The following NOS1AP variants were observed in gnomAD, a reference collection of about 807,000 sequenced individuals.
NOS1AP encodes the protein nitric oxide synthase 1 adaptor protein, also known as carboxyl-terminal PDZ ligand of neuronal nitric oxide synthase protein.
Under a neutral mutation model 56.2 loss-of-function variants are expected in NOS1AP, and 21 were observed. That is an observed-to-expected ratio of 0.37 (90% CI 0.26 to 0.54). The LOEUF (loss-of-function observed/expected upper bound fraction) is 0.54, where lower values mean the gene tolerates loss of function less well. Ranked by LOEUF, NOS1AP falls within the 20% of genes least tolerant of loss-of-function variation. The probability of loss-of-function intolerance (pLI) is 0.84; values close to 1 mark genes in which losing one functional copy is unlikely to be tolerated. For synonymous variants in NOS1AP, 270 were observed against 274.6 expected, an observed-to-expected ratio of 0.98 and a Z score of 0.17; for missense variants, 522 against 657.8, an observed-to-expected ratio of 0.79 and a Z score of 2.26.
At chr1:162,283,027 C>T (rs945947635) in intron 2 of NOS1AP, among the ~76,000 whole-genome samples, 2 of 152,018 alleles carry the variant, frequency 1.3e-5, no homozygotes, top group African/African-American at 4.8e-5. Context: ...TTATTTCTGG[C>T]CAAGGTGACT....
Position 162,355,373 on chromosome 1 carries a change from TC to T in NOS1AP, c.762+21del. On this transcript the variant is annotated intron_variant, in intron 7 of 9. Transcript: ENST00000361897. ...TCCAAGGTAGGCAAGAGATGGCCCATCTGTGTGATCTGCACACGTGTGCCCT... is the reference window on the plus strand; with the variant it reads ...TCCAAGGTAGGCAAGAGATGGCCCATTGTGTGATCTGCACACGTGTGCCCT... 6.2e-7 allele frequency: 1 copy of T among 1,613,868 alleles called. No individual in the cohort carries two copies. The highest frequency in any genetic ancestry group is 8.5e-7 in the Non-Finnish European group (1 of 1,179,928).
At chr1:162,284,890 A>T (rs1296057355) in intron 2 of NOS1AP, among the ~76,000 whole-genome samples, 1 of 152,172 alleles carries the variant, frequency 6.6e-6, no homozygotes, top group Non-Finnish European at 1.5e-5. Flanking sequence ...AGAAAGAGAG[A>T]TATGGTCAAC....
Position 162,260,180 on chromosome 1 carries a change from C to T in NOS1AP, c.178-27164C>T, listed in dbSNP as rs532104333. Among the ~76,000 whole-genome samples, 13 of 152,012 alleles carry T rather than the reference C, an allele frequency of 8.6e-5. No individual in the cohort carries two copies. In the East Asian group the frequency reaches 9.7e-4, roughly 11 times the overall value. ...TGTTGTCAGAAACTTGAAATATATA[C>T]GACTGAGAGGGAAGCAGATTTATGT... On this transcript the variant is annotated intron_variant, in intron 2 of 9. Coordinates refer to ENST00000361897, the MANE Select transcript of NOS1AP (RefSeq NM_014697.3).
At chr1:162,086,056 C>A (rs12062982) in intron 1 of NOS1AP, among the ~76,000 whole-genome samples, 18,597 of 152,108 alleles carry the variant, frequency 0.12, 2,576 homozygotes, top group African/African-American at 0.34. Context: ...ACATGCAGCC[C>A]TGTTCCACTG....
chr1:162,176,068 A>T (rs1362515256), intron 2 of NOS1AP, among the ~76,000 whole-genome samples: 1 of 152,122 alleles, frequency 6.6e-6, no homozygotes, highest in Non-Finnish European at 1.5e-5. Context: ...TTACTGTCTC[A>T]CTTCTTCAGT....
intron 2 of NOS1AP, among the ~76,000 whole-genome samples, chr1:162,176,425 T>C (rs1259734820): frequency 6.6e-6 from 1 of 151,944 alleles, no homozygotes; most frequent in African/African-American, 2.4e-5. Flanking sequence ...TCATAGAAAA[T>C]GTAGCCTTTT....
At position 162,367,090 on chromosome 1, in the gene NOS1AP, T is replaced by A. The variant is rs781230593; in HGVS notation, c.1144T>A (p.Ser382Thr). The A allele has an allele frequency of 1.2e-6, 2 of 1,613,954 alleles. No homozygotes were observed. The highest frequency in any genetic ancestry group is 4.5e-5 in the East Asian group (2 of 44,868). The change falls in exon 10 of 10, where the codon TCC becomes ACC. Residue 382 changes from serine to threonine, a missense_variant. Physicochemically the swap from Ser to Thr is moderately conservative, Grantham distance 58 (BLOSUM62 1). Transcript: ENST00000361897. This position sits in a 1 kb window ranked among gnomAD's most constrained non-coding sequence, Gnocchi z 6.5. ...QDSLLEITFR[S>T]GALPVLCDPT... ...CAGCTTGCTGGAGATCACCTTCCGC[T>A]CCGGAGCCCTGCCCGTGCTCTGTGA...
intron 2 of NOS1AP, among the ~76,000 whole-genome samples, chr1:162,279,490 T>C (rs1654849309): frequency 6.6e-6 from 1 of 152,214 alleles, no homozygotes; most frequent in East Asian, 1.9e-4. Flanking sequence ...TGAACCGCTC[T>C]TCCACCTTCT....
At chr1:162,352,229 T>G (rs1370878250) in intron 6 of NOS1AP, among the ~76,000 whole-genome samples, 3 of 152,086 alleles carry the variant, frequency 2.0e-5, no homozygotes, top group Non-Finnish European at 4.4e-5. Flanking sequence ...CCAGCTAATT[T>G]TTGTATTTTA....
intron 1 of NOS1AP, among the ~76,000 whole-genome samples, chr1:162,088,297 C>T (rs992648243): frequency 6.6e-6 from 1 of 152,172 alleles, no homozygotes; most frequent in Non-Finnish European, 1.5e-5. Context: ...AACCCTGCTG[C>T]ACCATAGGAT....
intron 2 of NOS1AP, among the ~76,000 whole-genome samples, chr1:162,271,709 G>C (rs1398474003): frequency 1.3e-5 from 2 of 152,130 alleles, no homozygotes; most frequent in Admixed American, 6.5e-5. Context: ...ATCTTAGTCA[G>C]CTTGGGCTTC....
chr1:162,291,224 A>G (rs1388608049), intron 3 of NOS1AP, among the ~76,000 whole-genome samples: 1 of 152,178 alleles, frequency 6.6e-6, no homozygotes, highest in East Asian at 1.9e-4. Context: ...CTGTGTTTAC[A>G]GTAAGTCTCT....
chr1:162,121,458 C>A (rs535887165), intron 1 of NOS1AP, among the ~76,000 whole-genome samples: 5 of 152,176 alleles, frequency 3.3e-5, no homozygotes, highest in African/African-American at 1.2e-4. Context: ...ATTGTGCAAA[C>A]CAGGAAACTG....
At chr1:162,251,710 G>A (rs1653857878) in intron 2 of NOS1AP, among the ~76,000 whole-genome samples, 1 of 151,058 alleles carries the variant, frequency 6.6e-6, no homozygotes, top group Non-Finnish European at 1.5e-5. Context: ...TTGAGATAGG[G>A]TCTCACTCAC....
chr1:162,107,437 G>T (rs1044652993), intron 1 of NOS1AP, among the ~76,000 whole-genome samples: 1 of 152,166 alleles, frequency 6.6e-6, no homozygotes. Context: ...AGGCTCAAGT[G>T]ATCCTCTCAC....
chr1:162,264,004 C>A (rs929888177), intron 2 of NOS1AP, among the ~76,000 whole-genome samples: 1 of 152,230 alleles, frequency 6.6e-6, no homozygotes, highest in Non-Finnish European at 1.5e-5. Context: ...CTCTCCGTCT[C>A]CAGCCAACTG....
intron 2 of NOS1AP, among the ~76,000 whole-genome samples, chr1:162,258,455 T>C (rs1408035484): frequency 1.3e-5 from 2 of 152,134 alleles, no homozygotes; most frequent in African/African-American, 4.8e-5. Flanking sequence ...TCTGGAATCT[T>C]TTCCTCCCAT....
chr1:162,108,958 T>G (rs866441958), intron 1 of NOS1AP, among the ~76,000 whole-genome samples: 22 of 152,212 alleles, frequency 1.4e-4, no homozygotes, highest in African/African-American at 4.8e-4. Flanking sequence ...TTTAATGGAT[T>G]CACAGTTCCA....
intron 1 of NOS1AP, among the ~76,000 whole-genome samples, chr1:162,074,460 A>G (rs1218487521): frequency 2.0e-5 from 3 of 152,162 alleles, no homozygotes; most frequent in Non-Finnish European, 4.4e-5. Context: ...ACCATGGCTC[A>G]TCTAGTACAA....
Sources: gnomAD v4.1 joint callset for allele counts (sites outside exome capture counted in the v4.1 genomes callset) on GRCh38, gnomAD v4.1.1 for gene constraint, Gnocchi (gnomAD v3.1) non-coding constraint, MANE v1.5 for transcripts, NCBI Gene and HGNC (gene_info 2026-07-23, HGNC 2026-07-21) for gene names.